PCDHGB7: variants seen among roughly 807,000 people sequenced by gnomAD.
PCDHGB7 encodes the protein protocadherin gamma subfamily B, 7, also known as protocadherin gamma-B7.
Under a neutral mutation model 61.4 loss-of-function variants are expected in PCDHGB7, and 37 were observed. That is an observed-to-expected ratio of 0.60 (90% CI 0.46 to 0.79). The LOEUF is 0.79. Ranked by LOEUF, PCDHGB7 falls within the 30% of genes least tolerant of loss-of-function variation. The pLI is 0.00. For missense variants in PCDHGB7, 1,166 were observed against 1,202.5 expected (o/e 0.97, Z 0.45); for synonymous variants, 464 against 503.5 (o/e 0.92, Z 1.05).
chr5:141,422,165 A>G (rs771382434), intron 1 of PCDHGB7: 3 of 1,569,306 alleles, frequency 1.9e-6, no homozygotes, highest in Admixed American at 4.0e-5. Flanking sequence ...TTTGAAAAAT[A>G]TAGATTCTAT....
At chr5:141,427,082 C>T (rs1335319344) in intron 1 of PCDHGB7, 1 of 458,118 alleles carries the variant, frequency 2.2e-6, no homozygotes, top group Admixed American at 2.3e-5. Flanking sequence ...CAGCCACTGA[C>T]CAGGATGAGG....
At chr5:141,460,453 A>T (rs1487816393) in intron 1 of PCDHGB7, among the ~76,000 whole-genome samples, 3 of 152,152 alleles carry the variant, frequency 2.0e-5, no homozygotes, top group Non-Finnish European at 4.4e-5. Flanking sequence ...ATGAAGATTC[A>T]TATTTTTTTC....
intron 2 of PCDHGB7, among the ~76,000 whole-genome samples, chr5:141,499,689 C>CTTTTTTT (rs545067566): frequency 3.3e-5 from 4 of 119,856 alleles, no homozygotes; most frequent in Admixed American, 8.7e-5. Context: ...TAACAGATGA[C>CTTTTTTT]TTTTTTTTTT....
At chr5:141,457,532 T>C (rs2098923599) in intron 1 of PCDHGB7, among the ~76,000 whole-genome samples, 1 of 152,058 alleles carries the variant, frequency 6.6e-6, no homozygotes, top group Admixed American at 6.6e-5. Flanking sequence ...GAGACTAGGG[T>C]TTAATGACAA....
At position 141,431,392 on chromosome 5, in the gene PCDHGB7, C is replaced by T. The variant is rs572129534; in HGVS notation, c.2415+11118C>T. 3 of 1,613,888 alleles carry T rather than the reference C, an allele frequency of 1.9e-6. No homozygotes were observed. Among genetic ancestry groups the T allele is most frequent in the Non-Finnish European group, 2.5e-6 (3 of 1,180,048 alleles). On this transcript the variant is annotated intron_variant, in intron 1 of 3. Transcript: ENST00000398594. The surrounding 1 kb of genome is among the most constrained non-coding windows in gnomAD (Gnocchi z 4.8). ...AAGAAAAGGCTGCTCACCACCTGGT[C>T]CTTACGGCCTCCGACGGGGGCGACC... is the stretch of plus-strand genomic sequence containing the variant.
intron 1 of PCDHGB7, among the ~76,000 whole-genome samples, chr5:141,461,983 C>T (rs1390320490): frequency 6.6e-6 from 1 of 152,192 alleles, no homozygotes. Flanking sequence ...GCCACCACGC[C>T]AGGCTAATTT....
At chr5:141,497,245 G>T (rs779763574) in intron 2 of PCDHGB7, among the ~76,000 whole-genome samples, 2 of 152,138 alleles carry the variant, frequency 1.3e-5, no homozygotes, top group Non-Finnish European at 2.9e-5. Flanking sequence ...TCTAGGAGGA[G>T]GTGACATTGA....
chr5:141,451,978 T>A (rs1329730658), intron 1 of PCDHGB7, among the ~76,000 whole-genome samples: 1 of 152,188 alleles, frequency 6.6e-6, no homozygotes, highest in Non-Finnish European at 1.5e-5. Flanking sequence ...TTTGCTGTAG[T>A]TTGTTCATTA....
intron 3 of PCDHGB7, 69 bp from the exon 4 acceptor site, chr5:141,510,878 G>A (rs896348248): frequency 6.2e-7 from 1 of 1,610,438 alleles, no homozygotes; most frequent in African/African-American, 1.3e-5. Context: ...TTAACTGCTG[G>A]GGATATAAGA....
At chr5:141,509,354 A>G (rs1229726913) in intron 3 of PCDHGB7, among the ~76,000 whole-genome samples, 2 of 152,144 alleles carry the variant, frequency 1.3e-5, no homozygotes, top group Non-Finnish European at 2.9e-5. Context: ...TGGCCTGGGC[A>G]TCCCTGAGGT....
Position 141,487,333 on chromosome 5 carries a change from C to T in PCDHGB7, c.2416-7474C>T. 6.2e-7 allele frequency: 1 copy of T among 1,614,176 alleles called. No homozygotes were observed. The highest frequency in any genetic ancestry group is 8.5e-7 in the Non-Finnish European group (1 of 1,180,022). On this transcript the variant is annotated intron_variant, in intron 1 of 3. Transcript: ENST00000398594. The surrounding 1 kb of genome is among the most constrained non-coding windows in gnomAD (Gnocchi z 5.0). ...TCTCTAAGTGTCTTCGTGGGGCAGC[C>T]TGTGGAGTCACATGCTTTCCTGCTG...
chr5:141,427,294 A>G (rs1239553754), intron 1 of PCDHGB7: 6 of 456,876 alleles, frequency 1.3e-5, no homozygotes, highest in Non-Finnish European at 2.2e-5. Context: ...GAAATCCTAG[A>G]TGAGAATGAC....
intron 2 of PCDHGB7, among the ~76,000 whole-genome samples, chr5:141,503,203 A>G (rs10477147): frequency 0.037 from 5,590 of 152,130 alleles, 132 homozygotes; most frequent in South Asian, 0.073. Flanking sequence ...TCAGCCTCTC[A>G]GTGCCCACCA....
intron 2 of PCDHGB7, among the ~76,000 whole-genome samples, chr5:141,497,859 G>A (rs188372194): frequency 2.0e-4 from 31 of 152,134 alleles, no homozygotes; most frequent in Middle Eastern, 6.8e-3. Context: ...TTGATTCAGC[G>A]GCTCCAAAGT....
chr5:141,428,124 C>T, intron 1 of PCDHGB7: 1 of 1,605,400 alleles, frequency 6.2e-7, no homozygotes, highest in South Asian at 1.1e-5. Context: ...CGAGCCCGGG[C>T]TTTTCAGCCT....
chr5:141,455,859 TATTA>T (rs2098833777), intron 1 of PCDHGB7, among the ~76,000 whole-genome samples: 1 of 143,846 alleles, frequency 7.0e-6, no homozygotes, highest in African/African-American at 2.5e-5. Flanking sequence ...TAATTTCTTT[TATTA>T]TTTATTTATT....
chr5:141,490,423 T>C lies in PCDHGB7; in HGVS notation c.2416-4384T>C. ...CCTTGATATCTCTCCGGACCTGCCATTTCAGATTAAGCCTTCTGAGAACCA... is the reference window on the plus strand; with the variant it reads ...CCTTGATATCTCTCCGGACCTGCCACTTCAGATTAAGCCTTCTGAGAACCA... On this transcript the variant is annotated intron_variant, in intron 1 of 3. Coordinates refer to ENST00000398594, the MANE Select transcript of PCDHGB7 (RefSeq NM_018927.4). This position sits in a 1 kb window ranked among gnomAD's most constrained non-coding sequence, Gnocchi z 5.4. 6.2e-7 allele frequency: 1 copy of C among 1,614,172 alleles called. No individual in the cohort carries two copies. The highest frequency in any genetic ancestry group is 8.5e-7 in the Non-Finnish European group (1 of 1,180,028).
chr5:141,500,877 A>ATTT (rs369345007), intron 2 of PCDHGB7, among the ~76,000 whole-genome samples: 1 of 122,288 alleles, frequency 8.2e-6, no homozygotes, highest in Admixed American at 8.0e-5. Context: ...TTCATTTACA[A>ATTT]TTTTTTTTTT....
intron 1 of PCDHGB7, among the ~76,000 whole-genome samples, chr5:141,455,776 A>G (rs1386162201): frequency 6.6e-6 from 1 of 152,186 alleles, no homozygotes. Context: ...GGGCTTTAAA[A>G]GAAACTTTTC....
Sources: gnomAD v4.1 joint callset for allele counts (sites outside exome capture counted in the v4.1 genomes callset) on GRCh38, gnomAD v4.1.1 for gene constraint, Gnocchi (gnomAD v3.1) non-coding constraint, MANE v1.5 for transcripts, NCBI Gene and HGNC (gene_info 2026-07-23, HGNC 2026-07-21) for gene names.